The following LMLN variants were observed in gnomAD, a reference collection of about 807,000 sequenced individuals.
LMLN encodes leishmanolysin-like peptidase.
Under a neutral mutation model 92.3 loss-of-function variants are expected in LMLN, and 70 were observed. The ratio of observed to expected loss-of-function variants is 0.76; its 90% CI spans 0.63 to 0.92. The LOEUF (loss-of-function observed/expected upper bound fraction) is 0.92, where lower values mean the gene tolerates loss of function less well. LMLN is among the 40% of genes least tolerant of loss of function. The probability of loss-of-function intolerance (pLI) is 0.00; values close to 1 mark genes in which losing one functional copy is unlikely to be tolerated. For missense variants in LMLN, 691 were observed against 814.6 expected (o/e 0.85, Z 1.85); for synonymous variants, 308 against 296.2 (o/e 1.04, Z -0.41).
At chr3:197,962,983 A>G (rs1283473224) in intron 1 of LMLN, among the ~76,000 whole-genome samples, 3 of 152,112 alleles carry the variant, frequency 2.0e-5, no homozygotes, top group Non-Finnish European at 2.9e-5. Flanking sequence ...TATAAATTTT[A>G]GAGTCAGCTT....
chr3:198,026,585 A>G (rs1003108080), intron 14 of LMLN, among the ~76,000 whole-genome samples: 3 of 152,238 alleles, frequency 2.0e-5, no homozygotes, highest in Non-Finnish European at 4.4e-5. Context: ...GATTATAAGC[A>G]TGAGCCACCA....
chr3:198,003,177 T>C, intron 11 of LMLN, 52 bp downstream of exon 12: 2 of 1,064,174 alleles, frequency 1.9e-6, no homozygotes, highest in Non-Finnish European at 2.8e-6. Context: ...CCTTTCTGAC[T>C]TTATTCTTTA....
intron 1 of LMLN, among the ~76,000 whole-genome samples, chr3:197,966,527 A>G (rs138503339): frequency 8.7e-4 from 131 of 150,008 alleles, no homozygotes; most frequent in Middle Eastern, 3.5e-3. Context: ...ATTCCCTTCT[A>G]TACCTAGTTT....
At chr3:197,965,832 T>C (rs975962137) in intron 1 of LMLN, among the ~76,000 whole-genome samples, 1 of 152,134 alleles carries the variant, frequency 6.6e-6, no homozygotes, top group Non-Finnish European at 1.5e-5. Flanking sequence ...GGGGAATCAC[T>C]TGAGCCCAGG....
chr3:197,982,612 A>G (rs1721592073), intron 6 of LMLN, among the ~76,000 whole-genome samples: 1 of 152,238 alleles, frequency 6.6e-6, no homozygotes, highest in African/African-American at 2.4e-5. Flanking sequence ...TGAGCGGCCA[A>G]CAGATGAGGT....
At chr3:197,975,616 A>T (rs919741590) in intron 3 of LMLN, among the ~76,000 whole-genome samples, 1 of 152,238 alleles carries the variant, frequency 6.6e-6, no homozygotes, top group Admixed American at 6.5e-5. Context: ...TTCTTAACAT[A>T]AACTATCTTA....
intron 14 of LMLN, among the ~76,000 whole-genome samples, chr3:198,027,983 T>A (rs1474591577): frequency 1.3e-5 from 2 of 152,192 alleles, no homozygotes; most frequent in African/African-American, 4.8e-5. Flanking sequence ...AGGTTTCTTT[T>A]TTATTATTAT....
chr3:198,019,483 A>G lies in LMLN; in HGVS notation c.1365+98A>G. On this transcript the variant is annotated intron_variant, in intron 12 of 15. Coordinates refer to ENST00000330198, the Ensembl canonical transcript of LMLN. This position sits in a 1 kb window ranked among gnomAD's most constrained non-coding sequence, Gnocchi z 5.5. ...AATTCTCTTAAGATTCTTAATTTAT[A>G]AGGCCTTGTTTGTTTTCTGTAAGTT... 1 of 1,217,916 alleles carries G rather than the reference A, an allele frequency of 8.2e-7. No individual in the cohort carries two copies. Among genetic ancestry groups the G allele is most frequent in the Non-Finnish European group, 1.1e-6 (1 of 894,804 alleles). The allele number at this position is 1,217,916 out of a possible 1,614,324, so 75.4% of individuals were successfully genotyped here. A position where few individuals can be genotyped will look rare whatever the true frequency, so the allele number is the denominator to read the frequency against.
At chr3:198,010,850 T>C (rs1722413988) in intron 11 of LMLN, among the ~76,000 whole-genome samples, 1 of 152,228 alleles carries the variant, frequency 6.6e-6, no homozygotes, top group African/African-American at 2.4e-5. Context: ...CTCTTAGCAT[T>C]TCTTTAGCTT....
intron 7 of LMLN, among the ~76,000 whole-genome samples, chr3:197,985,421 A>ACG (rs1462858006): frequency 9.9e-5 from 15 of 151,928 alleles, no homozygotes; most frequent in African/African-American, 3.4e-4. Context: ...ACACACACAC[A>ACG]CACACAGAGC....
chr3:197,963,812 C>T (rs1720973182), intron 1 of LMLN, among the ~76,000 whole-genome samples: 1 of 152,176 alleles, frequency 6.6e-6, no homozygotes, highest in African/African-American at 2.4e-5. Flanking sequence ...CAGGCAGTTC[C>T]AGGCTGAGCA....
intron 11 of LMLN, among the ~76,000 whole-genome samples, chr3:198,017,131 G>A (rs1415586343): frequency 1.3e-5 from 2 of 151,564 alleles, no homozygotes; most frequent in East Asian, 1.9e-4. Flanking sequence ...ACAAAAAATC[G>A]ACAAGGAAAA....
intron 6 of LMLN, among the ~76,000 whole-genome samples, chr3:197,983,738 G>A (rs756998449): frequency 6.6e-6 from 1 of 152,048 alleles, no homozygotes; most frequent in Non-Finnish European, 1.5e-5. Flanking sequence ...AATCAAGTAT[G>A]TCCTTTTGTG....
intron 8 of LMLN, among the ~76,000 whole-genome samples, chr3:197,987,406 C>G (rs149137983): frequency 0.068 from 10,139 of 148,890 alleles, 408 homozygotes; most frequent in African/African-American, 0.11. Flanking sequence ...TGATCCACCC[C>G]TCTCGGCCTC....
rs944536120 is a variant in LMLN at position 198,019,390 on chromosome 3, A to G, written c.1365+5A>G. 11 of 1,612,092 alleles carry G rather than the reference A, an allele frequency of 6.8e-6. No individual in the cohort carries two copies. In the Admixed American group the frequency reaches 8.4e-5, roughly 12 times the overall value. Reference sequence around the variant, plus strand: ...CCTTTACCACAGGAATACCAGGTAGAACAGGGCTGGGGCACAGTTTCAGGA... The same window carrying G: ...CCTTTACCACAGGAATACCAGGTAGGACAGGGCTGGGGCACAGTTTCAGGA... On this transcript the variant is annotated splice_donor_5th_base_variant and intron_variant, in intron 12 of 15. Transcript: ENST00000330198. This position sits in a 1 kb window ranked among gnomAD's most constrained non-coding sequence, Gnocchi z 5.5.
chr3:198,002,713 G>A (rs1482975513), intron 11 of LMLN, among the ~76,000 whole-genome samples: 1 of 152,190 alleles, frequency 6.6e-6, no homozygotes, highest in Non-Finnish European at 1.5e-5. Context: ...ACTCCAGCCT[G>A]GGTGACAGAG....
intron 11 of LMLN, among the ~76,000 whole-genome samples, chr3:198,011,393 G>A (rs1383847585): frequency 6.6e-6 from 1 of 151,986 alleles, no homozygotes; most frequent in Admixed American, 6.6e-5. Context: ...TTGTCCTTGT[G>A]ATAGTTTGCT....
chr3:198,009,556 T>C (rs950228021), intron 11 of LMLN, among the ~76,000 whole-genome samples: 2 of 152,224 alleles, frequency 1.3e-5, no homozygotes, highest in African/African-American at 2.4e-5. Context: ...TTAATTCTTC[T>C]CTAAGTGTTT....
intron 11 of LMLN, chr3:197,999,878 A>G (rs1346727209): frequency 6.6e-6 from 1 of 152,264 alleles, no homozygotes. Flanking sequence ...TACCCCTGAT[A>G]TGATTTGTTT....
Sources: gnomAD v4.1 joint callset for allele counts (sites outside exome capture counted in the v4.1 genomes callset) on GRCh38, gnomAD v4.1.1 for gene constraint, Gnocchi (gnomAD v3.1) non-coding constraint, MANE v1.5 for transcripts, NCBI Gene and HGNC (gene_info 2026-07-23, HGNC 2026-07-21) for gene names.